EPB41L4B: variants seen among roughly 807,000 people sequenced by gnomAD.
EPB41L4B encodes band 4.1-like protein 4B.
In EPB41L4B, 30 loss-of-function variants were observed where a neutral mutation model predicts 112.5. That is an observed-to-expected ratio of 0.27 (90% confidence interval 0.20 to 0.36). The LOEUF is 0.36. EPB41L4B is among the 10% of genes least tolerant of loss of function. The probability of loss-of-function intolerance (pLI) is 1.00; values close to 1 mark genes in which losing one functional copy is unlikely to be tolerated. For missense variants in EPB41L4B, 1,024 were observed against 1,133.3 expected, an observed-to-expected ratio of 0.90 and a Z score of 1.38; for synonymous variants, 408 against 439.7, an observed-to-expected ratio of 0.93 and a Z score of 0.90.
chr9:109,308,078 T>C (rs1837282456), intron 1 of EPB41L4B, among the ~76,000 whole-genome samples: 1 of 152,094 alleles, frequency 6.6e-6, no homozygotes, highest in South Asian at 2.1e-4. Context: ...GTTCAAGCTG[T>C]CCCACACTCG....
chr9:109,284,993 C>G (rs1414650822), intron 1 of EPB41L4B, among the ~76,000 whole-genome samples: 1 of 152,238 alleles, frequency 6.6e-6, no homozygotes, highest in Non-Finnish European at 1.5e-5. Context: ...AACCTGTGCT[C>G]TAGTCCCAGA....
intron 13 of EPB41L4B, among the ~76,000 whole-genome samples, chr9:109,251,130 A>G (rs1834772982): frequency 6.6e-6 from 1 of 152,272 alleles, no homozygotes; most frequent in Non-Finnish European, 1.5e-5. Flanking sequence ...GCTCTCGTCC[A>G]GCTTTTGCTC....
chr9:109,182,390 G>T (rs575091180), intron 24 of EPB41L4B, among the ~76,000 whole-genome samples: 46 of 152,324 alleles, frequency 3.0e-4, no homozygotes, highest in African/African-American at 1.0e-3. Flanking sequence ...ACTGGTGGTT[G>T]CCAGCAGGTA....
chr9:109,273,728 G>C (rs1835711615), intron 2 of EPB41L4B, among the ~76,000 whole-genome samples: 1 of 152,138 alleles, frequency 6.6e-6, no homozygotes, highest in East Asian at 1.9e-4. Context: ...CCTGTGAACA[G>C]AACTAACCCC....
At chr9:109,312,464 G>C (rs187141837) in intron 1 of EPB41L4B, among the ~76,000 whole-genome samples, 8 of 152,254 alleles carry the variant, frequency 5.3e-5, no homozygotes, top group Admixed American at 5.2e-4. Flanking sequence ...TGGGGGCTCA[G>C]GGGTCGCCAT....
At chr9:109,279,982 G>A in intron 1 of EPB41L4B, 61 bp from the exon 2 acceptor site, 3 of 1,336,746 alleles carry the variant, frequency 2.2e-6, no homozygotes, top group Non-Finnish European at 3.1e-6. Context: ...AGAAAAAAAA[G>A]GTTAAAAAAA....
At position 109,255,800 on chromosome 9, in the gene EPB41L4B, G is replaced by A. The variant is rs1217595708; in HGVS notation, c.973C>T (p.Leu325Phe). ...KMDFKKSKLT[L>F]VVVEDDDQGR... Reference sequence around the variant, plus strand: ...TGATCATCATCCTCGACCACCACGAGTGTCAATTTGCTCTTTTTAAAATCC... The same window carrying A: ...TGATCATCATCCTCGACCACCACGAATGTCAATTTGCTCTTTTTAAAATCC... Residue 325 changes from leucine to phenylalanine, a missense_variant, in exon 10 of 26, where the codon CTC (leucine) becomes TTC (phenylalanine). Coordinates refer to ENST00000374566, the MANE Select transcript of EPB41L4B (RefSeq NM_019114.5). 6.2e-7 allele frequency: 1 copy of A among 1,613,868 alleles called. No individual in the cohort carries two copies. Among genetic ancestry groups the A allele is most frequent in the Non-Finnish European group, 8.5e-7 (1 of 1,179,984 alleles).
intron 17 of EPB41L4B, among the ~76,000 whole-genome samples, chr9:109,213,303 C>T (rs1324418085): frequency 6.6e-6 from 1 of 152,232 alleles, no homozygotes; most frequent in African/African-American, 2.4e-5. Context: ...CCTTCTGTAT[C>T]TTAATCCCTC....
chr9:109,213,802 T>C lies in EPB41L4B; in HGVS notation c.1650A>G (p.Thr550=), dbSNP rs1404512620. The change falls in exon 17 of 26, where the codon ACA becomes ACG. Residue 550 remains threonine, a synonymous_variant. Transcript: ENST00000374566. ...SKSLTKLSPG[T]PALFSEAAAH... is the part of the protein sequence containing the mutation. ...CAGCGGCTTCACTGAACAAGGCAGG[T>C]GTTCCTGGACTCAGTTCTACAAAGC... is the stretch of plus-strand genomic sequence containing the variant. 1.2e-6 allele frequency: 2 copies of C among 1,613,970 alleles called. No individual in the cohort carries two copies. Among genetic ancestry groups the C allele is most frequent in the Admixed American group, 1.7e-5 (1 of 59,986 alleles).
chr9:109,281,879 C>T (rs1377166264), intron 1 of EPB41L4B, among the ~76,000 whole-genome samples: 1 of 152,082 alleles, frequency 6.6e-6, no homozygotes, highest in African/African-American at 2.4e-5. Flanking sequence ...CCACATGACC[C>T]AACAATTCTA....
chr9:109,207,615 G>A (rs185053914), intron 18 of EPB41L4B, among the ~76,000 whole-genome samples: 10 of 151,720 alleles, frequency 6.6e-5, no homozygotes, highest in Non-Finnish European at 1.3e-4. Context: ...GGAGAGGAGA[G>A]GAATATTCAT....
chr9:109,227,816 G>A lies in EPB41L4B; in HGVS notation c.1410-10671C>T, dbSNP rs557559952. On this transcript the variant is annotated intron_variant, in intron 15 of 25. Transcript: ENST00000374566. ...AGGATGGTCTCGATCTCTTGACCTC[G>A]TGATCTGCCCACCTCGACCTCCCCA... Among the ~76,000 whole-genome samples the A allele has an allele frequency of 3.9e-5, 6 of 152,152 alleles. No homozygotes were observed. In the East Asian group the frequency reaches 7.7e-4, roughly 20 times the overall value.
In EPB41L4B at chr9:109,255,525, A is replaced by G. The variant is rs1389741677; in HGVS notation, c.1155T>C (p.Ser385=). 1 of 1,614,146 alleles carries G rather than the reference A, an allele frequency of 6.2e-7. No homozygotes were observed. Among genetic ancestry groups the G allele is most frequent in the Non-Finnish European group, 8.5e-7 (1 of 1,179,966 alleles). ...SNRSDFIRLG[S]RFRFSGRTEY... ...TGGCTCCCTACCTGAATCTGAAGCG[A>G]GAGCCCAGCCTGATAAAGTCGGATC... The change falls in exon 11 of 26, where the codon TCT becomes TCC. Residue 385 remains serine, a synonymous_variant. Transcript: ENST00000374566.
intron 1 of EPB41L4B, among the ~76,000 whole-genome samples, chr9:109,303,164 A>G (rs766216933): frequency 9.9e-5 from 15 of 152,034 alleles, no homozygotes; most frequent in Non-Finnish European, 1.6e-4. Context: ...TGTTGAAAAA[A>G]CTTTTTTCTC....
Position 109,264,982 on chromosome 9 carries a change from T to C in EPB41L4B, c.576A>G (p.Gly192=). 9 of 1,605,970 alleles carry C rather than the reference T, an allele frequency of 5.6e-6. No individual in the cohort carries two copies. Among genetic ancestry groups the C allele is most frequent in the Non-Finnish European group, 5.9e-6 (7 of 1,177,892 alleles). ...VLQLRHDILS[G]KLKCPYETAV... Reference sequence around the variant, plus strand: ...AGTTAGAACAAAAACATACTTACTTTCCAGAAAGAATGTCATGCCTGAGTT... The same window carrying C: ...AGTTAGAACAAAAACATACTTACTTCCCAGAAAGAATGTCATGCCTGAGTT... The change falls in exon 5 of 26, where the codon GGA becomes GGG. Residue 192 remains glycine (G), a splice_region_variant and synonymous_variant. Transcript: ENST00000374566.
chr9:109,225,629 T>A (rs1029739775), intron 15 of EPB41L4B, among the ~76,000 whole-genome samples: 1 of 152,150 alleles, frequency 6.6e-6, no homozygotes, highest in Non-Finnish European at 1.5e-5. Context: ...GGAGCTACAA[T>A]TTGAGATGAG....
At chr9:109,186,791 T>G (rs559208694) in intron 22 of EPB41L4B, among the ~76,000 whole-genome samples, 3 of 152,224 alleles carry the variant, frequency 2.0e-5, no homozygotes, top group African/African-American at 7.2e-5. Flanking sequence ...CTGTAACATA[T>G]AGTTGAGGAT....
intron 17 of EPB41L4B, among the ~76,000 whole-genome samples, chr9:109,209,432 G>A (rs895686208): frequency 4.0e-5 from 6 of 151,844 alleles, no homozygotes; most frequent in East Asian, 1.9e-4. Context: ...AGGCCGGGGC[G>A]GGTGGATCAC....
rs575512466 is a variant in EPB41L4B, at chr9:109,185,864, C to A, written c.2302-259G>T. Among the ~76,000 whole-genome samples, 6 of 145,224 alleles carry A rather than the reference C, an allele frequency of 4.1e-5. No homozygotes were observed. In the South Asian group the frequency reaches 1.1e-3, roughly 26 times the overall value. On this transcript the variant is annotated intron_variant, in intron 22 of 25. Coordinates refer to ENST00000374566, the MANE Select transcript of EPB41L4B (RefSeq NM_019114.5). ...TCATCTGTTGTCTCCATCATCTGAG[C>A]AGATGACATACCAAGACCCCATTCC...
Sources: allele counts gnomAD v4.1 joint callset (sites outside exome capture counted in the v4.1 genomes callset), GRCh38; gene constraint gnomAD v4.1.1; transcripts MANE v1.5; gene names NCBI Gene and HGNC (gene_info 2026-07-23, HGNC 2026-07-21).